Variants in CNTNAP2 observed in about 807,000 individuals in gnomAD.
The protein encoded by CNTNAP2 is contactin associated protein 2.
Under a neutral mutation model 155.2 loss-of-function variants are expected in CNTNAP2, and 98 were observed. The observed-to-expected ratio is 0.63, with a 90% CI of 0.54 to 0.75. The LOEUF (loss-of-function observed/expected upper bound fraction) is 0.75. Ranked by LOEUF, CNTNAP2 falls within the 30% of genes least tolerant of loss-of-function variation. The pLI, the probability that CNTNAP2 is intolerant of heterozygous loss-of-function variation, is 0.00. For missense variants in CNTNAP2, 1,727 were observed against 1,688.1 expected, an observed-to-expected ratio of 1.02 and a Z score of -0.40; for synonymous variants, 651 against 631.2, an observed-to-expected ratio of 1.03 and a Z score of -0.47.
At chr7:147,280,695 T>C (rs547281532) in intron 8 of CNTNAP2, among the ~76,000 whole-genome samples, 25 of 152,074 alleles carry the variant, frequency 1.6e-4, no homozygotes, top group Middle Eastern at 3.4e-3. Context: ...ATAACTGTTA[T>C]ATTCACATTA....
intron 13 of CNTNAP2, among the ~76,000 whole-genome samples, chr7:147,765,107 G>C (rs1422100210): frequency 1.3e-5 from 2 of 152,140 alleles, no homozygotes; most frequent in African/African-American, 4.8e-5. Context: ...AAAATATGTA[G>C]TCAGTCATGT....
At chr7:147,467,442 T>C in intron 10 of CNTNAP2, among the ~76,000 whole-genome samples, 1 of 152,060 alleles carries the variant, frequency 6.6e-6, no homozygotes, top group Non-Finnish European at 1.5e-5. Flanking sequence ...AAACAGAAAA[T>C]CAAATACCAC....
intron 1 of CNTNAP2, among the ~76,000 whole-genome samples, chr7:146,686,686 CA>C (rs1800607059): frequency 6.6e-6 from 1 of 152,172 alleles, no homozygotes; most frequent in African/African-American, 2.4e-5. Flanking sequence ...TATATGAGAA[CA>C]AAATGCTGGC....
intron 15 of CNTNAP2, among the ~76,000 whole-genome samples, chr7:147,995,793 A>G (rs774423558): frequency 3.4e-4 from 52 of 152,138 alleles, no homozygotes; most frequent in Non-Finnish European, 5.9e-5. Flanking sequence ...GATTACAGGC[A>G]TGAGCCACTG....
chr7:147,631,479 A>G (rs1288527418), intron 12 of CNTNAP2, among the ~76,000 whole-genome samples: 1 of 152,160 alleles, frequency 6.6e-6, no homozygotes, highest in Non-Finnish European at 1.5e-5. Flanking sequence ...ATAAAAAACA[A>G]TCCTAAAGTT....
At chr7:147,597,895 C>T (rs1324641027) in intron 12 of CNTNAP2, among the ~76,000 whole-genome samples, 2 of 152,176 alleles carry the variant, frequency 1.3e-5, no homozygotes, top group South Asian at 2.1e-4. Flanking sequence ...CCAGTCAATT[C>T]GCACCCTTTA....
intron 13 of CNTNAP2, among the ~76,000 whole-genome samples, chr7:147,879,031 G>A (rs1489897311): frequency 6.6e-6 from 1 of 152,152 alleles, no homozygotes; most frequent in African/African-American, 2.4e-5. Flanking sequence ...TGTTATTGAA[G>A]AGAACCTCTC....
At chr7:147,490,043 T>C (rs936628625) in intron 11 of CNTNAP2, among the ~76,000 whole-genome samples, 2 of 152,238 alleles carry the variant, frequency 1.3e-5, no homozygotes, top group African/African-American at 2.4e-5. Flanking sequence ...AGTATTTTAG[T>C]GTTCGACAAA....
intron 1 of CNTNAP2, among the ~76,000 whole-genome samples, chr7:146,195,689 C>T (rs1241187035): frequency 6.6e-6 from 1 of 152,140 alleles, no homozygotes; most frequent in Non-Finnish European, 1.5e-5. Flanking sequence ...CCAGAACAGT[C>T]AATCCCAGGG....
At chr7:147,613,765 C>T (rs993371593) in intron 12 of CNTNAP2, among the ~76,000 whole-genome samples, 3 of 152,096 alleles carry the variant, frequency 2.0e-5, no homozygotes, top group African/African-American at 4.8e-5. Flanking sequence ...ATCGCTTGAA[C>T]CCAGGAGGCA....
intron 8 of CNTNAP2, among the ~76,000 whole-genome samples, chr7:147,291,324 C>G (rs1339095961): frequency 6.6e-6 from 1 of 152,084 alleles, no homozygotes; most frequent in Non-Finnish European, 1.5e-5. Flanking sequence ...TCCCCTTTCC[C>G]CTCACTCCAC....
intron 3 of CNTNAP2, among the ~76,000 whole-genome samples, chr7:146,919,312 C>T (rs1355974105): frequency 6.6e-6 from 1 of 152,148 alleles, no homozygotes; most frequent in Non-Finnish European, 1.5e-5. Context: ...TTTGGGTAGA[C>T]TATGTCAGAG....
chr7:147,559,371 G>A (rs918818650), intron 11 of CNTNAP2, among the ~76,000 whole-genome samples: 1 of 152,184 alleles, frequency 6.6e-6, no homozygotes, highest in Non-Finnish European at 1.5e-5. Context: ...CCAAGTTCTT[G>A]TACACATAGA....
At chr7:147,615,131 G>C (rs1007698436) in intron 12 of CNTNAP2, among the ~76,000 whole-genome samples, 1 of 147,868 alleles carries the variant, frequency 6.8e-6, no homozygotes, top group Admixed American at 6.8e-5. Flanking sequence ...TGATTTAGTA[G>C]TGCACACCTG....
intron 1 of CNTNAP2, among the ~76,000 whole-genome samples, chr7:146,701,593 A>T (rs1242774922): frequency 6.6e-6 from 1 of 152,188 alleles, no homozygotes; most frequent in Admixed American, 6.6e-5. Flanking sequence ...AGATATCATC[A>T]ATAATTTCAA....
At chr7:147,040,346 G>C (rs190345320) in intron 3 of CNTNAP2, among the ~76,000 whole-genome samples, 211 of 151,992 alleles carry the variant, frequency 1.4e-3, no homozygotes, top group Admixed American at 2.8e-3. Context: ...TATGAATGAA[G>C]CATTTTAGCA....
In CNTNAP2 at chr7:146,402,508, C is replaced by A. The variant is rs375371349; in HGVS notation, c.97+285535C>A. 4.6e-5 allele frequency among the ~76,000 whole-genome samples: 7 copies of A among 152,068 alleles called. No homozygotes were observed. In the East Asian group the frequency reaches 1.2e-3, roughly 25 times the overall value. Reference sequence around the variant, plus strand: ...AAGGATAGCTTAATCATGCTACAGACGAACTTATGTTACAAAAGAAATTAT... The same window carrying A: ...AAGGATAGCTTAATCATGCTACAGAAGAACTTATGTTACAAAAGAAATTAT... On this transcript the variant is annotated intron_variant, in intron 1 of 23. Transcript: ENST00000361727.
In CNTNAP2 at chr7:147,059,429, T is replaced by C. The variant is rs1369109299; in HGVS notation, c.550+15375T>C. ...ACTGGGGAGGGGGTTATATGATAAT[T>C]CTGATTTTTTTTTTTTTTTTTTGCA... On this transcript the variant is annotated intron_variant, in intron 4 of 23. Coordinates refer to ENST00000361727, the MANE Select transcript of CNTNAP2 (RefSeq NM_014141.6). Among the ~76,000 whole-genome samples the C allele has an allele frequency of 6.6e-5, 5 of 75,984 alleles. No homozygotes were observed. In the East Asian group the frequency reaches 2.1e-3, roughly 32 times the overall value. The allele number at this position is 75,984 out of a possible 152,430, so 49.8% of individuals were successfully genotyped here.
At position 147,043,989 on chromosome 7, in the gene CNTNAP2, T is replaced by G. The variant is rs587780320; in HGVS notation, c.485T>G (p.Val162Gly). Residue 162 changes from valine (V) to glycine (G), a missense_variant, in exon 4 of 24, where the codon GTG (valine) becomes GGG (glycine). Coordinates refer to ENST00000361727, the MANE Select transcript of CNTNAP2 (RefSeq NM_014141.6). ...HPIIARYVRI[V>G]PLDWNGEGRI... ...ATTATTGCCCGCTATGTGCGCATAG[T>G]GCCTCTGGATTGGAATGGAGAAGGT... 2.1e-5 allele frequency: 34 copies of G among 1,614,100 alleles called. No homozygotes were observed. The Admixed American group carries it at 5.7e-4, about 27-fold the overall frequency.
Sources: allele counts gnomAD v4.1 joint callset (sites outside exome capture counted in the v4.1 genomes callset), GRCh38; gene constraint gnomAD v4.1.1; transcripts MANE v1.5; gene names NCBI Gene and HGNC (gene_info 2026-07-23, HGNC 2026-07-21).